The following WNK1 variants were observed in gnomAD, a reference collection of about 807,000 sequenced individuals.
WNK1 encodes the protein WNK lysine deficient protein kinase 1.
A neutral mutation model predicts 222.8 loss-of-function variants in WNK1; 38 were observed. That is an observed-to-expected ratio of 0.17 (90% CI 0.13 to 0.22). WNK1 has a LOEUF of 0.22. Ranked by LOEUF, WNK1 falls within the 10% of genes least tolerant of loss-of-function variation. The pLI, the probability that WNK1 is intolerant of heterozygous loss-of-function variation, is 1.00. For missense variants in WNK1, 2,348 were observed against 2,918.4 expected, an observed-to-expected ratio of 0.80 and a Z score of 4.50; for synonymous variants, 1,090 against 1,092.9, an observed-to-expected ratio of 1.00 and a Z score of 0.05.
intron 2 of WNK1, among the ~76,000 whole-genome samples, chr12:826,490 T>C (rs998759480): frequency 2.0e-5 from 3 of 152,190 alleles, no homozygotes; most frequent in Non-Finnish European, 2.9e-5. Context: ...GTGCTTTCCC[T>C]TTTTCCCTTC....
intron 1 of WNK1, among the ~76,000 whole-genome samples, chr12:790,195 A>G (rs189104397): frequency 6.6e-6 from 1 of 152,356 alleles, no homozygotes; most frequent in East Asian, 1.9e-4. Flanking sequence ...GGTTGGGGCT[A>G]TAGTAGAATA....
intron 1 of WNK1, among the ~76,000 whole-genome samples, chr12:798,243 G>T (rs563020955): frequency 6.6e-6 from 1 of 151,240 alleles, no homozygotes; most frequent in African/African-American, 2.4e-5. Flanking sequence ...CCAGGCTGGA[G>T]TGCAGTGGCC....
intron 25 of WNK1, 33 bp downstream of exon 25, chr12:897,714 G>C: frequency 6.2e-7 from 1 of 1,604,838 alleles, no homozygotes; most frequent in Non-Finnish European, 8.5e-7. Context: ...AGCCACAGCT[G>C]TCCTATCTTT....
intron 1 of WNK1, among the ~76,000 whole-genome samples, chr12:806,148 G>A (rs184070333): frequency 1.4e-3 from 219 of 152,150 alleles, no homozygotes; most frequent in Middle Eastern, 3.4e-3. Flanking sequence ...ACAATATGTC[G>A]AGCCCTCAGA....
In WNK1 at chr12:851,845, G is replaced by A. The variant is rs368385912; in HGVS notation, c.1312-5316G>A. ...TGTAGCCTTTTTGGTGATATTGGTAGAAAGTTTCCAATATTGAAATTGTTA... is the reference window on the plus strand; with the variant it reads ...TGTAGCCTTTTTGGTGATATTGGTAAAAAGTTTCCAATATTGAAATTGTTA... On this transcript the variant is annotated intron_variant, in intron 4 of 27. Coordinates refer to ENST00000315939, the MANE Select transcript of WNK1 (RefSeq NM_018979.4). 3.2e-5 allele frequency: 38 copies of A among 1,203,206 alleles called. 1 individual carries two copies. In the African/African-American group the frequency reaches 4.6e-4, roughly 14 times the overall value. 74.5% of individuals were successfully genotyped at this position (1,203,206 alleles called of 1,614,324 possible). A position where few individuals can be genotyped will look rare whatever the true frequency, so the allele number is the denominator to read the frequency against.
chr12:796,624 C>A (rs1945337827), intron 1 of WNK1, among the ~76,000 whole-genome samples: 1 of 152,176 alleles, frequency 6.6e-6, no homozygotes, highest in African/African-American at 2.4e-5. Context: ...ACTTAAATTT[C>A]TTTGTGGCTA....
chr12:840,256 T>A (rs908195577), intron 4 of WNK1, among the ~76,000 whole-genome samples: 3 of 151,434 alleles, frequency 2.0e-5, no homozygotes, highest in Admixed American at 2.0e-4. Flanking sequence ...GCCTTCTGAA[T>A]CGCTAGGACT....
At chr12:866,978 C>T (rs1220806154) in intron 8 of WNK1, among the ~76,000 whole-genome samples, 1 of 152,046 alleles carries the variant, frequency 6.6e-6, no homozygotes, top group Non-Finnish European at 1.5e-5. Context: ...CAAAAATTAG[C>T]TGGGCGTGGT....
At chr12:814,746 G>T (rs1947204449) in intron 2 of WNK1, among the ~76,000 whole-genome samples, 2 of 152,160 alleles carry the variant, frequency 1.3e-5, no homozygotes, top group Admixed American at 1.3e-4. Flanking sequence ...TGGTGCGGGG[G>T]TGGGGCTGGG....
chr12:908,305 CTCTCA>C, intron 27 of WNK1, 165 bp from the exon 28 acceptor site: 1 of 797,696 alleles, frequency 1.3e-6, no homozygotes, highest in East Asian at 2.7e-5. Context: ...ACATCCCTCC[CTCTCA>C]TGAGGATTAT....
chr12:777,239 T>C (rs1011614115), intron 1 of WNK1, among the ~76,000 whole-genome samples: 9 of 150,680 alleles, frequency 6.0e-5, no homozygotes, highest in African/African-American at 2.2e-4. Context: ...CTTGGCCCAC[T>C]GCAGCCTCCG....
intron 26 of WNK1, among the ~76,000 whole-genome samples, chr12:904,901 CGAG>C (rs1052811294): frequency 2.0e-5 from 3 of 152,154 alleles, no homozygotes; most frequent in African/African-American, 4.8e-5. Flanking sequence ...GCTAGATTGA[CGAG>C]GAGAAAAACA....
rs72649871 is a variant in WNK1 at position 871,196 on chromosome 12, CA to C, written c.2140-65del. 115 of 1,429,542 alleles carry C rather than the reference CA, an allele frequency of 8.0e-5. No homozygotes were observed. In the African/African-American group the frequency reaches 1.4e-3, roughly 18 times the overall value. 88.6% of individuals were successfully genotyped at this position (1,429,542 alleles called of 1,614,324 possible). On this transcript the variant is annotated intron_variant, in intron 8 of 27. Coordinates refer to ENST00000315939, the MANE Select transcript of WNK1 (RefSeq NM_018979.4). ...CTCTGAGGAGATTAAATATTCATTG[CA>C]AAAGCCTGACCTCTATACACTTACT...
chr12:799,375 G>A (rs986379964), intron 1 of WNK1, among the ~76,000 whole-genome samples: 1 of 151,618 alleles, frequency 6.6e-6, no homozygotes, highest in African/African-American at 2.4e-5. Context: ...AAGCAATCTG[G>A]CTGCCTTGGC....
rs771634589 is a variant in WNK1 at position 879,716 on chromosome 12, C to T, written c.2517C>T (p.Tyr839=). Residue 839 remains tyrosine, a synonymous_variant, in exon 11 of 28, where the codon TAC becomes TAT. Transcript: ENST00000315939. ...TCCCTACTCCCTTGCTCCCTCAGTA[C>T]CCTGTCTCTCAGATTCCCATATCAA... is the stretch of plus-strand genomic sequence containing the variant. ...QPLPTPLLPQ[Y]PVSQIPISTP... is the part of the protein sequence containing the mutation. 10 of 1,613,952 alleles carry T rather than the reference C, an allele frequency of 6.2e-6. No individual in the cohort carries two copies. In the Admixed American group the frequency reaches 1.5e-4, roughly 24 times the overall value.
chr12:890,325 G>C (rs1466901119), intron 21 of WNK1, 128 bp from the exon 22 acceptor site: 1 of 935,132 alleles, frequency 1.1e-6, no homozygotes, highest in Admixed American at 1.9e-5. Context: ...AATGTTCTCA[G>C]ACATAAGTGT....
At position 856,029 on chromosome 12, in the gene WNK1, G is replaced by A. The variant is rs192459685; in HGVS notation, c.1312-1132G>A. On this transcript the variant is annotated intron_variant, in intron 4 of 27. Coordinates refer to ENST00000315939, the MANE Select transcript of WNK1 (RefSeq NM_018979.4). ...TAATTTTTGTATTTTTAGTAGAGAC[G>A]GGGTTTCACCATGTTGGCCAGGATG... Among the ~76,000 whole-genome samples, 11 of 151,580 alleles carry A rather than the reference G, an allele frequency of 7.3e-5. No individual in the cohort carries two copies. In the East Asian group the frequency reaches 2.0e-3, roughly 27 times the overall value.
At chr12:847,829 A>C (rs1267333027) in intron 4 of WNK1, among the ~76,000 whole-genome samples, 3 of 94,198 alleles carry the variant, frequency 3.2e-5, no homozygotes, top group Non-Finnish European at 2.0e-5. Context: ...TTTTTTTGAG[A>C]TATAGTCTCA....
rs149628075 is a variant in WNK1 at position 813,785 on chromosome 12, T to C, written c.903T>C (p.Thr301=). 12 of 1,613,978 alleles carry C rather than the reference T, an allele frequency of 7.4e-6. No individual in the cohort carries two copies. In the African/African-American group the frequency reaches 1.5e-4, roughly 20 times the overall value. ...GAAAGAAGTGCATTGTTTTGGTGAC[T>C]GAACTTATGACGTCTGGAACACTTA... ...VKGKKCIVLV[T]ELMTSGTLKT... Residue 301 remains threonine (T), a synonymous_variant, in exon 2 of 28, where the codon ACT becomes ACC. Coordinates refer to ENST00000315939, the MANE Select transcript of WNK1 (RefSeq NM_018979.4).
Sources: gnomAD v4.1 joint callset for allele counts (sites outside exome capture counted in the v4.1 genomes callset) on GRCh38, gnomAD v4.1.1 for gene constraint, MANE v1.5 for transcripts, NCBI Gene and HGNC (gene_info 2026-07-23, HGNC 2026-07-21) for gene names.